Variants in CLTC observed in about 807,000 individuals in gnomAD.
CLTC encodes clathrin heavy chain 1.
CLTC carries 16 observed loss-of-function variants against 195.8 expected under a neutral mutation model. That is an observed-to-expected ratio of 0.08 (90% CI 0.06 to 0.12). CLTC has a LOEUF of 0.12. Among genes scored for constraint, CLTC ranks in the 10% least tolerant of loss-of-function variants. The probability of loss-of-function intolerance (pLI) is 1.00; values close to 1 mark genes in which losing one functional copy is unlikely to be tolerated. For missense variants in CLTC, 796 were observed against 2,027.0 expected, an observed-to-expected ratio of 0.39 and a Z score of 11.66; for synonymous variants, 667 against 689.4, an observed-to-expected ratio of 0.97 and a Z score of 0.51.
At chr17:59,679,928 G>A (rs77549910) in intron 18 of CLTC, among the ~76,000 whole-genome samples, 1 of 151,854 alleles carries the variant, frequency 6.6e-6, no homozygotes, top group Non-Finnish European at 1.5e-5. Flanking sequence ...AATTAGCCAG[G>A]TGCATGTAAT....
Position 59,622,952 on chromosome 17 carries a change from T to G in CLTC, c.42+2779T>G, listed in dbSNP as rs747647021. Among the ~76,000 whole-genome samples the G allele has an allele frequency of 2.4e-4, 36 of 152,222 alleles. 1 individual carries two copies. The highest frequency in any genetic ancestry group is 3.4e-4 in the Non-Finnish European group (23 of 68,028). On this transcript the variant is annotated intron_variant, in intron 1 of 31. Coordinates refer to ENST00000269122, the MANE Select transcript of CLTC (RefSeq NM_004859.4). Reference sequence around the variant, plus strand: ...AAGATTTCTCTTTTCCTAGACTGTTTAGACTGATAGCAGTTAATAAATGAG... The same window carrying G: ...AAGATTTCTCTTTTCCTAGACTGTTGAGACTGATAGCAGTTAATAAATGAG...
At chr17:59,643,129 T>TGGGG (rs71370109) in intron 1 of CLTC, among the ~76,000 whole-genome samples, 5 of 128,950 alleles carry the variant, frequency 3.9e-5, no homozygotes, top group Middle Eastern at 3.7e-3. Flanking sequence ...TTTTCTTTTC[T>TGGGG]GGGGTGTGTG....
At position 59,685,061 on chromosome 17, in the gene CLTC, GC is replaced by G; in HGVS notation, c.4441del (p.Arg1481GlufsTer4). 1 of 1,565,314 alleles carries G rather than the reference GC, an allele frequency of 6.4e-7. No homozygotes were observed. The highest frequency in any genetic ancestry group is 8.7e-7 in the Non-Finnish European group (1 of 1,151,080). On this transcript the variant is annotated frameshift_variant, in exon 29 of 32. Transcript: ENST00000269122. LOFTEE classifies it high-confidence loss of function. This position sits in a 1 kb window ranked among gnomAD's most constrained non-coding sequence, Gnocchi z 5.0. ...FITEEDYQAL[R>X]TSIDAYDNFD... ...GATGGCTTTTTTTTTTTAAGGCTCT[GC>G]GAACATCAATAGATGCTTATGACAA...
intron 28 of CLTC, chr17:59,684,241 G>C: frequency 5.9e-6 from 2 of 341,530 alleles, no homozygotes; most frequent in Non-Finnish European, 1.1e-5. Flanking sequence ...CTAGATTGTA[G>C]GTAGAGTCAA....
chr17:59,624,169 T>C (rs1400664796), intron 1 of CLTC, among the ~76,000 whole-genome samples: 2 of 152,172 alleles, frequency 1.3e-5, no homozygotes, highest in Non-Finnish European at 2.9e-5. Flanking sequence ...CCCAGACACC[T>C]TTCTAAAAAG....
At chr17:59,635,851 G>A (rs78680565) in intron 1 of CLTC, among the ~76,000 whole-genome samples, 9,224 of 152,266 alleles carry the variant, frequency 0.061, 396 homozygotes, top group South Asian at 0.094. Flanking sequence ...TGAACAAAGC[G>A]AATTGGCCCA....
chr17:59,673,875 G>C, intron 15 of CLTC, 103 bp downstream of exon 15: 1 of 670,262 alleles, frequency 1.5e-6, no homozygotes, highest in East Asian at 2.9e-5. Context: ...AGAGTGGTCT[G>C]CAGCTTTTAA....
chr17:59,679,340 T>C (rs1598238581), intron 17 of CLTC, 57 bp from the exon 18 acceptor site: 1 of 1,408,486 alleles, frequency 7.1e-7, no homozygotes, highest in Non-Finnish European at 9.8e-7. Flanking sequence ...CCCTCTAAAA[T>C]GCTATAAAAA....
At chr17:59,671,725 C>G (rs1251206838) in intron 14 of CLTC, among the ~76,000 whole-genome samples, 1 of 152,116 alleles carries the variant, frequency 6.6e-6, no homozygotes, top group Non-Finnish European at 1.5e-5. Flanking sequence ...CCACACTGGC[C>G]TGCTAGCTAT....
intron 1 of CLTC, among the ~76,000 whole-genome samples, chr17:59,643,426 A>G (rs1242236648): frequency 3.3e-5 from 5 of 152,160 alleles, no homozygotes; most frequent in African/African-American, 4.8e-5. Context: ...TTTGTTTAGC[A>G]GATACTTTAG....
At chr17:59,634,003 G>A (rs1434057844) in intron 1 of CLTC, among the ~76,000 whole-genome samples, 1 of 152,092 alleles carries the variant, frequency 6.6e-6, no homozygotes, top group African/African-American at 2.4e-5. Context: ...CTGCCTCCTG[G>A]ACTCAAACAA....
Position 59,660,523 on chromosome 17 carries a change from T to C in CLTC, c.1102T>C (p.Phe368Leu). The stretch of plus-strand genomic sequence containing the variant: ...TGCTGAAGAACTCTTTGCCCGGAAA[T>C]TTAATGCTCTTTTTGCCCAGGGAAA... ...AGAEELFARK[F>L]NALFAQGNYS... Residue 368 changes from phenylalanine to leucine, a missense_variant, in exon 7 of 32, where the codon TTT (phenylalanine) becomes CTT (leucine). Phe to Leu is a conservative substitution (Grantham distance 22). Around this residue, in one of 9 missense-constraint regions of CLTC, gnomAD observed 293 missense variants for 795.6 expected, o/e 0.37. Coordinates refer to ENST00000269122, the MANE Select transcript of CLTC (RefSeq NM_004859.4). 6.2e-7 allele frequency: 1 copy of C among 1,614,134 alleles called. No homozygotes were observed.
intron 5 of CLTC, among the ~76,000 whole-genome samples, chr17:59,652,167 C>G (rs2032343172): frequency 6.6e-6 from 1 of 152,144 alleles, no homozygotes; most frequent in Admixed American, 6.5e-5. Context: ...CTATTTCTAC[C>G]ACATCTCCAC....
intron 18 of CLTC, 89 bp from the exon 19 acceptor site, chr17:59,680,823 C>G (rs1331822738): frequency 9.9e-7 from 1 of 1,015,042 alleles, no homozygotes; most frequent in African/African-American, 1.6e-5. Context: ...TCTTTTCTGC[C>G]TATTTCAAGT....
chr17:59,674,005 C>G (rs1343013400), intron 15 of CLTC, among the ~76,000 whole-genome samples: 1 of 152,076 alleles, frequency 6.6e-6, no homozygotes, highest in Non-Finnish European at 1.5e-5. Context: ...CTCAAGCAGT[C>G]CTCCTGCCTT....
intron 1 of CLTC, among the ~76,000 whole-genome samples, chr17:59,634,255 C>T (rs561647531): frequency 5.4e-4 from 82 of 152,082 alleles, no homozygotes; most frequent in Non-Finnish European, 1.1e-3. Flanking sequence ...ATATATTCTG[C>T]ACAACTTCTC....
chr17:59,667,142 G>A (rs2032750035), intron 13 of CLTC, 165 bp downstream of exon 13: 7 of 519,012 alleles, frequency 1.3e-5, no homozygotes, highest in Admixed American at 3.6e-5. Flanking sequence ...CTTTTATGTT[G>A]GATTCTAAGG....
chr17:59,632,679 C>T (rs2031759348), intron 1 of CLTC, among the ~76,000 whole-genome samples: 1 of 152,028 alleles, frequency 6.6e-6, no homozygotes, highest in African/African-American at 2.4e-5. Context: ...CTATAAGCAT[C>T]TAGGGCACAT....
At chr17:59,637,929 T>C (rs1181308224) in intron 1 of CLTC, among the ~76,000 whole-genome samples, 1 of 150,082 alleles carries the variant, frequency 6.7e-6, no homozygotes, top group Non-Finnish European at 1.5e-5. Flanking sequence ...AAAAAAAGAA[T>C]TGGAAGTCCT....
Sources: allele counts gnomAD v4.1 joint callset (sites outside exome capture counted in the v4.1 genomes callset), GRCh38; gene constraint gnomAD v4.1.1; regional missense constraint gnomAD v4.1.1; non-coding constraint Gnocchi (gnomAD v3.1); transcripts MANE v1.5; gene names NCBI Gene and HGNC (gene_info 2026-07-23, HGNC 2026-07-21).